ZNF624: variants seen among roughly 807,000 people sequenced by gnomAD.
The protein encoded by ZNF624 is zinc finger protein 624.
ZNF624 carries 43 observed loss-of-function variants against 74.7 expected under a neutral mutation model. The ratio of observed to expected loss-of-function variants is 0.58; its 90% CI spans 0.45 to 0.74. The LOEUF (loss-of-function observed/expected upper bound fraction) is 0.74, where lower values mean the gene tolerates loss of function less well. Ranked by LOEUF, ZNF624 falls within the 30% of genes least tolerant of loss-of-function variation. ZNF624 has a pLI of 0.00. For missense variants in ZNF624, 820 were observed against 1,030.0 expected (o/e 0.80, Z 2.79); for synonymous variants, 331 against 341.3 (o/e 0.97, Z 0.33).
chr17:16,633,634 T>A (rs1424314791), intron 5 of ZNF624, among the ~76,000 whole-genome samples: 1 of 151,540 alleles, frequency 6.6e-6, no homozygotes, highest in Non-Finnish European at 1.5e-5. Flanking sequence ...GAAAAGCACG[T>A]CCCCAGGAAA....
In ZNF624 at chr17:16,633,900, C is replaced by A; in HGVS notation, c.338G>T (p.Trp113Leu). Residue 113 changes from tryptophan to leucine, a missense_variant, in exon 5 of 6, where the codon TGG (tryptophan) becomes TTG (leucine). Coordinates refer to ENST00000311331, the MANE Select transcript of ZNF624 (RefSeq NM_020787.4). ...ISHLENGKGP[W>L]VTVREISRIP... ...TCTTGAAATTTCTCTCACCGTCACC[C>A]ATGGTCCTTTCCCATTCTCCAAATG... 1 of 1,613,740 alleles carries A rather than the reference C, an allele frequency of 6.2e-7. No individual in the cohort carries two copies. The highest frequency in any genetic ancestry group is 8.5e-7 in the Non-Finnish European group (1 of 1,179,724).
chr17:16,629,945 A>G (rs909309049), intron 5 of ZNF624, among the ~76,000 whole-genome samples: 2 of 152,364 alleles, frequency 1.3e-5, no homozygotes, highest in South Asian at 2.1e-4. Flanking sequence ...TTCAGAGTCC[A>G]TAAGTGAAGT....
intron 3 of ZNF624, among the ~76,000 whole-genome samples, chr17:16,635,924 G>A (rs1909319581): frequency 6.6e-6 from 1 of 150,650 alleles, no homozygotes. Flanking sequence ...CACTGAAAAG[G>A]CCCAGAAACC....
intron 3 of ZNF624, among the ~76,000 whole-genome samples, chr17:16,638,334 T>C (rs1909383634): frequency 6.6e-6 from 1 of 152,150 alleles, no homozygotes; most frequent in Non-Finnish European, 1.5e-5. Flanking sequence ...GAACTAGAAA[T>C]ACCATTTGAC....
intron 5 of ZNF624, chr17:16,624,851 TACAAAAAAAAAAAAAAA>T (rs1569041464): frequency 5.4e-5 from 1 of 18,688 alleles, no homozygotes; most frequent in Non-Finnish European, 1.0e-4. Flanking sequence ...ACCCTGTCTC[TACAAAAAAAAAAAAAAA>T]AAAAAAAAAA....
At position 16,652,510 on chromosome 17, in the gene ZNF624, TA is replaced by T. The variant is rs1460550929; in HGVS notation, c.-3+1253del. Reference sequence around the variant, plus strand: ...CTCTTTGGCAATACTTTATGTAGATTATGTAGATTATGCTCGTAACATATGT... The same window carrying T: ...CTCTTTGGCAATACTTTATGTAGATTTGTAGATTATGCTCGTAACATATGT... On this transcript the variant is annotated intron_variant, in intron 1 of 5. Coordinates refer to ENST00000311331, the MANE Select transcript of ZNF624 (RefSeq NM_020787.4). 3.3e-5 allele frequency among the ~76,000 whole-genome samples: 5 copies of T among 152,250 alleles called. No homozygotes were observed. The East Asian group carries it at 9.6e-4, about 29-fold the overall frequency.
chr17:16,651,231 A>T (rs1909715386), intron 1 of ZNF624, among the ~76,000 whole-genome samples: 1 of 152,096 alleles, frequency 6.6e-6, no homozygotes, highest in Non-Finnish European at 1.5e-5. Flanking sequence ...GTTTGAGACC[A>T]GCCTGGCTGA....
At chr17:16,637,939 A>C (rs1190559875) in intron 3 of ZNF624, among the ~76,000 whole-genome samples, 3 of 152,092 alleles carry the variant, frequency 2.0e-5, no homozygotes. Context: ...CAACCTACAA[A>C]ATGGGAGAAA....
rs766647428 is a variant in ZNF624 at position 16,653,752 on chromosome 17, G to C, written c.-3+12C>G. The C allele has an allele frequency of 6.5e-6, 1 of 152,860 alleles. No homozygotes were observed. The highest frequency in any genetic ancestry group is 2.1e-4 in the South Asian group (1 of 4,838). The allele number at this position is 152,860 out of a possible 1,614,324, so 9.5% of individuals were successfully genotyped here. Reference sequence around the variant, plus strand: ...CGGGCAACCGAGGCCAGGCGCCCGGGACAACGAGTACCTGGCGGCCGAACT... The same window carrying C: ...CGGGCAACCGAGGCCAGGCGCCCGGCACAACGAGTACCTGGCGGCCGAACT... On this transcript the variant is annotated intron_variant, in intron 1 of 5. Transcript: ENST00000311331.
downstream of ZNF624, chr17:16,616,821 G>A: frequency 1.0e-6 from 1 of 1,003,988 alleles, no homozygotes; most frequent in Admixed American, 2.3e-5. Flanking sequence ...TTCCATAATA[G>A]TGTGCAGACA....
chr17:16,614,904 A>G, the ZNF624 span, among the ~76,000 whole-genome samples: 1 of 152,246 alleles, frequency 6.6e-6, no homozygotes, highest in African/African-American at 2.4e-5. Flanking sequence ...ATCAATTTGT[A>G]TAGATGAATC....
At chr17:16,625,220 C>T (rs937055723) in intron 5 of ZNF624, among the ~76,000 whole-genome samples, 5 of 152,096 alleles carry the variant, frequency 3.3e-5, no homozygotes, top group African/African-American at 1.2e-4. Flanking sequence ...CTTGCTGTGC[C>T]ACCCAGGCTA....
chr17:16,642,716 A>G (rs961566943), intron 3 of ZNF624, among the ~76,000 whole-genome samples: 2 of 152,220 alleles, frequency 1.3e-5, no homozygotes, highest in African/African-American at 4.8e-5. Flanking sequence ...GACATCATCA[A>G]AAACTCAAAA....
chr17:16,616,790 A>C, downstream of ZNF624: 1 of 856,046 alleles, frequency 1.2e-6, no homozygotes, highest in South Asian at 2.1e-5. Flanking sequence ...ATGGAAGAGT[A>C]ACTGCCTAAG....
chr17:16,648,156 C>T (rs1466151363), intron 2 of ZNF624, among the ~76,000 whole-genome samples: 1 of 151,738 alleles, frequency 6.6e-6, no homozygotes, highest in African/African-American at 2.4e-5. Flanking sequence ...GTTGCCCAGG[C>T]TGGTCTTGAA....
At chr17:16,634,043 G>T in intron 4 of ZNF624, 86 bp from the exon 5 acceptor site, 2 of 1,061,752 alleles carry the variant, frequency 1.9e-6, no homozygotes, top group Non-Finnish European at 2.8e-6. Flanking sequence ...AATCTTCTGG[G>T]CAGAATGACC....
At position 16,645,677 on chromosome 17, in the gene ZNF624, C is replaced by T. The variant is rs113860808; in HGVS notation, c.153+1652G>A. On this transcript the variant is annotated intron_variant, in intron 3 of 5. Transcript: ENST00000311331. ...ACACTAATTGAAAATGTCAGCCGGGCGCAGTGGCTCATGCCTGTAATCCCA... is the reference window on the plus strand; with the variant it reads ...ACACTAATTGAAAATGTCAGCCGGGTGCAGTGGCTCATGCCTGTAATCCCA... 7.0e-4 allele frequency among the ~76,000 whole-genome samples: 104 copies of T among 148,322 alleles called. 1 individual carries two copies. The highest frequency in any genetic ancestry group is 2.5e-3 in the African/African-American group (99 of 40,336).
rs902514363 is a variant in ZNF624 at position 16,622,495 on chromosome 17, T to C, written c.2391A>G (p.Leu797=). The change falls in exon 6 of 6, where the codon CTA becomes CTG. Residue 797 remains leucine (L), a synonymous_variant. Coordinates refer to ENST00000311331, the MANE Select transcript of ZNF624 (RefSeq NM_020787.4). The part of the protein sequence containing the change: ...KGCITLSQLT[L]HQRIHTGERP... Reference sequence around the variant, plus strand: ...TCTCCCCAGTATGAATTCTCTGATGTAGGGTTAGCTGTGATAGAGTAATAC... The same window carrying C: ...TCTCCCCAGTATGAATTCTCTGATGCAGGGTTAGCTGTGATAGAGTAATAC... The C allele has an allele frequency of 6.2e-6, 10 of 1,613,768 alleles. No homozygotes were observed. The African/African-American group carries it at 1.3e-4, about 22-fold the overall frequency.
chr17:16,629,438 T>C (rs1224531722), intron 5 of ZNF624, among the ~76,000 whole-genome samples: 2 of 151,950 alleles, frequency 1.3e-5, no homozygotes, highest in Admixed American at 6.6e-5. Context: ...CAAAGACAGA[T>C]AGATGTCCTT....
Sources: gnomAD v4.1 joint callset for allele counts (sites outside exome capture counted in the v4.1 genomes callset) on GRCh38, gnomAD v4.1.1 for gene constraint, MANE v1.5 for transcripts, NCBI Gene and HGNC (gene_info 2026-07-23, HGNC 2026-07-21) for gene names.